SORBS2: variants seen among roughly 807,000 people sequenced by gnomAD.
The protein encoded by SORBS2 is sorbin and SH3 domain containing 2, also known as sorbin and SH3 domain-containing protein 2.
SORBS2 carries 46 observed loss-of-function variants against 97.7 expected under a neutral mutation model. The observed-to-expected ratio is 0.47, with a 90% CI of 0.37 to 0.60. The LOEUF is 0.60. SORBS2 is among the 20% of genes least tolerant of loss of function. The pLI, the probability that SORBS2 is intolerant of heterozygous loss-of-function variation, is 0.00. For missense variants in SORBS2, 1,316 were observed against 1,282.3 expected (o/e 1.03, Z -0.40); for synonymous variants, 476 against 473.4 (o/e 1.01, Z -0.07).
chr4:185,689,304 A>AGTG (rs1312633190), intron 2 of SORBS2, among the ~76,000 whole-genome samples: 2 of 152,200 alleles, frequency 1.3e-5, no homozygotes, highest in African/African-American at 4.8e-5. Flanking sequence ...CCTCATGTGG[A>AGTG]ACTTCTGCTG....
At chr4:185,773,996 T>C (rs1478856459) in intron 2 of SORBS2, 2 of 152,154 alleles carry the variant, frequency 1.3e-5, no homozygotes, top group Non-Finnish European at 2.9e-5. Context: ...TTTTCTTTGT[T>C]ATTTCTTCCC....
intron 2 of SORBS2, chr4:185,774,420 A>G (rs964365383): frequency 2.2e-4 from 34 of 152,202 alleles, no homozygotes; most frequent in Admixed American, 1.8e-3. Flanking sequence ...AACCAAAAGG[A>G]AAAAAAAGGA....
intron 1 of SORBS2, chr4:185,812,019 T>C (rs773620196): frequency 1.3e-5 from 2 of 152,198 alleles, no homozygotes; most frequent in Non-Finnish European, 2.9e-5. Flanking sequence ...GCATTATCAC[T>C]CTGCATTCCA....
At chr4:185,878,432 C>A (rs975950785) in intron 1 of SORBS2, among the ~76,000 whole-genome samples, 3 of 152,138 alleles carry the variant, frequency 2.0e-5, no homozygotes, top group Non-Finnish European at 4.4e-5. Context: ...GCCTTATTTC[C>A]CCATCTTGGT....
At chr4:185,788,145 T>A (rs2099064689) in intron 1 of SORBS2, among the ~76,000 whole-genome samples, 1 of 152,210 alleles carries the variant, frequency 6.6e-6, no homozygotes, top group Non-Finnish European at 1.5e-5. Context: ...AGCAGCTTTG[T>A]CGGAGACTTG....
At chr4:185,610,702 G>C (rs2096523295) in intron 12 of SORBS2, among the ~76,000 whole-genome samples, 1 of 151,926 alleles carries the variant, frequency 6.6e-6, no homozygotes, top group East Asian at 1.9e-4. Flanking sequence ...TTTTTCATCG[G>C]AACATGAAGT....
At chr4:185,788,074 C>T (rs1192368382) in intron 1 of SORBS2, among the ~76,000 whole-genome samples, 1 of 152,206 alleles carries the variant, frequency 6.6e-6, no homozygotes, top group East Asian at 1.9e-4. Flanking sequence ...CGGGGCCTGC[C>T]GGGCTGTTCC....
chr4:185,870,149 C>T (rs986868179), intron 1 of SORBS2, among the ~76,000 whole-genome samples: 1 of 152,186 alleles, frequency 6.6e-6, no homozygotes, highest in Non-Finnish European at 1.5e-5. Flanking sequence ...ATGCTCTAAA[C>T]TTCTGCTTTT....
At chr4:185,631,028 A>G (rs6552900) in intron 4 of SORBS2, among the ~76,000 whole-genome samples, 32,970 of 152,200 alleles carry the variant, frequency 0.22, 3,775 homozygotes, top group Non-Finnish European at 0.25. Flanking sequence ...CTTATAAAAC[A>G]TCACATTTTA....
chr4:185,910,367 C>T (rs879691388), intron 1 of SORBS2, among the ~76,000 whole-genome samples: 1 of 152,108 alleles, frequency 6.6e-6, no homozygotes, highest in Non-Finnish European at 1.5e-5. Context: ...CCTTGCTATC[C>T]TTCAAAACCC....
At chr4:185,614,879 G>C in exon 11 of SORBS2, 1 of 1,614,168 alleles carries the variant, frequency 6.2e-7, no homozygotes, top group Non-Finnish European at 8.5e-7. Flanking sequence ...AGTTGTATTT[G>C]GCTATAGCTT....
chr4:185,656,625 G>A, exon 1 of SORBS2: 1 of 1,550,702 alleles, frequency 6.4e-7, no homozygotes, highest in Non-Finnish European at 8.7e-7. Flanking sequence ...CTGCAAAGGT[G>A]TTGTTGCTTT....
At chr4:185,931,889 T>C (rs996372471) in intron 1 of SORBS2, among the ~76,000 whole-genome samples, 11 of 151,866 alleles carry the variant, frequency 7.2e-5, no homozygotes, top group African/African-American at 2.7e-4. Flanking sequence ...GCCTCTAAGT[T>C]TACAGGAGTT....
At chr4:185,784,877 G>A (rs1372380042) in intron 1 of SORBS2, among the ~76,000 whole-genome samples, 1 of 152,128 alleles carries the variant, frequency 6.6e-6, no homozygotes, top group South Asian at 2.1e-4. Context: ...AAAATGAGCC[G>A]ACATGCCTAA....
intron 1 of SORBS2, among the ~76,000 whole-genome samples, chr4:185,922,770 G>A (rs2034787): frequency 0.76 from 114,806 of 152,034 alleles, 43,513 homozygotes; most frequent in Middle Eastern, 0.84. Context: ...TTACAGAATG[G>A]TTTCATTTAG....
rs149708335 is a variant in SORBS2 at position 185,665,703 on chromosome 4, G to T, written c.-45-3461C>A. 9.9e-3 allele frequency: 9,389 copies of T among 945,166 alleles called. 68 individuals carry two copies. The highest frequency in any genetic ancestry group is 0.017 in the South Asian group (356 of 20,554). The allele number at this position is 945,166 out of a possible 1,614,324, so 58.5% of individuals were successfully genotyped here. A position where few individuals can be genotyped will look rare whatever the true frequency, so the allele number is the denominator to read the frequency against. On this transcript the variant is annotated intron_variant, in intron 4 of 20. Transcript: ENST00000284776. Reference sequence around the variant, plus strand: ...AACAAATCAGTCCTTTCAAGGAAACGGTGGAGGCAAAGAAAGGCAGAATAA... The same window carrying T: ...AACAAATCAGTCCTTTCAAGGAAACTGTGGAGGCAAAGAAAGGCAGAATAA...
intron 1 of SORBS2, among the ~76,000 whole-genome samples, chr4:185,873,518 A>G (rs1039672182): frequency 3.3e-5 from 5 of 152,242 alleles, no homozygotes; most frequent in Non-Finnish European, 5.9e-5. Context: ...AGCATGAACC[A>G]GGAAAGACAG....
At chr4:185,654,881 C>T (rs748661871) in intron 1 of SORBS2, among the ~76,000 whole-genome samples, 4 of 152,060 alleles carry the variant, frequency 2.6e-5, no homozygotes, top group Non-Finnish European at 4.4e-5. Context: ...CAGAACTCTA[C>T]ACTGATTTAA....
rs200232346 is a variant in SORBS2, at chr4:185,790,997, G to GA, written c.-337-15632dup. ...TGAGTAGAAAATCATGAGTATGGGGGAAAAATAATAAAATATATGAATGTG... is the reference window on the plus strand; with the variant it reads ...TGAGTAGAAAATCATGAGTATGGGGGAAAAAATAATAAAATATATGAATGTG... On this transcript the variant is annotated intron_variant, in intron 1 of 20. Transcript: ENST00000284776. 5.0e-3 allele frequency among the ~76,000 whole-genome samples: 768 copies of GA among 152,230 alleles called. 4 individuals are homozygous for GA. Among genetic ancestry groups the GA allele is most frequent in the Middle Eastern group, 0.02 (6 of 294 alleles).
Sources: allele counts gnomAD v4.1 joint callset (sites outside exome capture counted in the v4.1 genomes callset), GRCh38; gene constraint gnomAD v4.1.1; transcripts MANE v1.5; gene names NCBI Gene and HGNC (gene_info 2026-07-23, HGNC 2026-07-21).